FNDC3A: variants seen among roughly 807,000 people sequenced by gnomAD.
FNDC3A encodes fibronectin type-III domain-containing protein 3A.
In FNDC3A, 32 loss-of-function variants were observed where a neutral mutation model predicts 148.9. That is an observed-to-expected ratio of 0.21 (90% confidence interval 0.16 to 0.29). FNDC3A has a LOEUF of 0.29. FNDC3A is among the 10% of genes least tolerant of loss of function. The pLI is 1.00. For missense variants in FNDC3A, 1,191 were observed against 1,452.8 expected, an observed-to-expected ratio of 0.82 and a Z score of 2.93; for synonymous variants, 472 against 473.6, an observed-to-expected ratio of 1.00 and a Z score of 0.04.
intron 2 of FNDC3A, among the ~76,000 whole-genome samples, chr13:49,006,783 C>A (rs905798218): frequency 1.3e-5 from 2 of 151,928 alleles, no homozygotes; most frequent in African/African-American, 2.4e-5. Flanking sequence ...TTTCACTATT[C>A]CCACAGTAAT....
intron 1 of FNDC3A, among the ~76,000 whole-genome samples, 189 bp from the exon 2 acceptor site, chr13:49,005,963 T>A (rs187684412): frequency 6.4e-4 from 97 of 152,092 alleles, no homozygotes; most frequent in African/African-American, 2.0e-3. Context: ...ACAAAGTAAT[T>A]TGAATTGTAA....
chr13:49,082,269 C>A (rs1878527166), intron 3 of FNDC3A, among the ~76,000 whole-genome samples: 1 of 151,868 alleles, frequency 6.6e-6, no homozygotes, highest in Non-Finnish European at 1.5e-5. Context: ...ACCTGTAATC[C>A]CAGCTATTCG....
At chr13:49,045,049 TTTCCCTTTCCCTTTTCC>T in intron 2 of FNDC3A, 1 of 52,538 alleles carries the variant, frequency 1.9e-5, no homozygotes, top group Non-Finnish European at 5.4e-5. Flanking sequence ...TCCCTTTTCC[TTTCCCTTTCCCTTTTCC>T]TTTCCCTTTC....
intron 8 of FNDC3A, among the ~76,000 whole-genome samples, chr13:49,154,026 T>A (rs1191303595): frequency 1.8e-4 from 20 of 114,094 alleles, no homozygotes; most frequent in African/African-American, 6.6e-4. Flanking sequence ...CCATATGAAC[T>A]TTAAAGTAGT....
At chr13:49,178,509 T>TA in intron 13 of FNDC3A, 59 bp from the exon 14 acceptor site, 3 of 1,028,920 alleles carry the variant, frequency 2.9e-6, no homozygotes, top group Non-Finnish European at 4.5e-6. Context: ...ACATATTCAT[T>TA]ATTGCCCATA....
intron 8 of FNDC3A, among the ~76,000 whole-genome samples, chr13:49,162,673 T>G (rs932897276): frequency 2.0e-5 from 3 of 152,218 alleles, no homozygotes; most frequent in African/African-American, 7.2e-5. Flanking sequence ...GCTGTGATAC[T>G]TGGAGGAGAA....
chr13:49,197,614 G>A, intron 20 of FNDC3A, 111 bp from the exon 21 acceptor site: 1 of 825,222 alleles, frequency 1.2e-6, no homozygotes, highest in Non-Finnish European at 1.9e-6. Flanking sequence ...AAGTTTTAAA[G>A]AAACTCAAAA....
rs894690567 is a variant in FNDC3A at position 49,164,611 on chromosome 13, C to CT, written c.978-2622dup. On this transcript the variant is annotated intron_variant, in intron 8 of 25. Transcript: ENST00000492622. Reference sequence around the variant, plus strand: ...TTGTTCATTCATTTTTATTCTTCTTCTTTTTTTTTTTCTTGAGACAGAGTT... The same window carrying CT: ...TTGTTCATTCATTTTTATTCTTCTTCTTTTTTTTTTTTCTTGAGACAGAGTT... Among the ~76,000 whole-genome samples the CT allele has an allele frequency of 5.1e-3, 756 of 146,858 alleles. 7 individuals are homozygous for CT. The highest frequency in any genetic ancestry group is 5.5e-3 in the Non-Finnish European group (365 of 66,282).
chr13:49,027,692 TAACTC>T (rs1873819620), intron 2 of FNDC3A, among the ~76,000 whole-genome samples: 1 of 151,326 alleles, frequency 6.6e-6, no homozygotes, highest in Non-Finnish European at 1.5e-5. Flanking sequence ...TAAGAAAAAA[TAACTC>T]AAAAGAATAT....
At chr13:49,185,496 C>T (rs1039823982) in intron 14 of FNDC3A, among the ~76,000 whole-genome samples, 2 of 152,144 alleles carry the variant, frequency 1.3e-5, no homozygotes, top group African/African-American at 4.8e-5. Context: ...TTACACACAC[C>T]GTCATTTCTG....
At chr13:49,001,340 C>T (rs565926344) in intron 1 of FNDC3A, among the ~76,000 whole-genome samples, 16 of 152,094 alleles carry the variant, frequency 1.1e-4, no homozygotes, top group Non-Finnish European at 1.5e-4. Flanking sequence ...GGATGTATGT[C>T]GCCTCAGGAC....
chr13:49,185,584 A>C (rs1227257940), intron 14 of FNDC3A, among the ~76,000 whole-genome samples: 6 of 152,222 alleles, frequency 3.9e-5, no homozygotes, highest in African/African-American at 1.4e-4. Context: ...CACCTTTTGA[A>C]GAAAGGAGAT....
In FNDC3A at chr13:49,190,998, T is replaced by C. The variant is rs751387802; in HGVS notation, c.1945-17T>C. The C allele has an allele frequency of 7.0e-6, 11 of 1,578,816 alleles. No individual in the cohort carries two copies. In the Admixed American group the frequency reaches 7.7e-5, roughly 11 times the overall value. On this transcript the variant is annotated splice_polypyrimidine_tract_variant and intron_variant, in intron 17 of 25. Coordinates refer to ENST00000492622, the MANE Select transcript of FNDC3A (RefSeq NM_001079673.2). ...TTTTGGGGCATTTTTGTTTTCTTTT[T>C]GCTTTTGTTTTGGCAGGTCTCTGAA...
At chr13:49,110,294 G>C (rs1880474393) in intron 3 of FNDC3A, 1 of 1,514,662 alleles carries the variant, frequency 6.6e-7, no homozygotes, top group Non-Finnish European at 8.9e-7. Context: ...TCCTCTTACA[G>C]CCTTGCAAAA....
At chr13:49,077,865 A>G (rs1422333177) in intron 3 of FNDC3A, among the ~76,000 whole-genome samples, 1 of 152,244 alleles carries the variant, frequency 6.6e-6, no homozygotes, top group Non-Finnish European at 1.5e-5. Context: ...ACAAATAGGA[A>G]GAGTTCACAT....
intron 2 of FNDC3A, among the ~76,000 whole-genome samples, chr13:49,024,142 TAC>T: frequency 6.6e-6 from 1 of 152,016 alleles, no homozygotes; most frequent in Admixed American, 6.5e-5. Flanking sequence ...ATCGATAAAT[TAC>T]TGGACACATT....
intron 2 of FNDC3A, among the ~76,000 whole-genome samples, chr13:49,064,682 A>G (rs1378630304): frequency 6.6e-6 from 1 of 152,094 alleles, no homozygotes; most frequent in African/African-American, 2.4e-5. Flanking sequence ...GTTGCATGTA[A>G]TGATAATGAT....
chr13:49,166,023 T>A (rs889083628), intron 8 of FNDC3A, among the ~76,000 whole-genome samples: 1 of 152,088 alleles, frequency 6.6e-6, no homozygotes, highest in Non-Finnish European at 1.5e-5. Flanking sequence ...AGCCAAGACC[T>A]GTCCTCAGGC....
intron 7 of FNDC3A, among the ~76,000 whole-genome samples, chr13:49,140,907 C>T (rs2025315): frequency 1 from 151,682 of 152,346 alleles, 75,516 homozygotes; most frequent in Middle Eastern, 1. Context: ...ATTGTACTGA[C>T]ATTTGAAGGA....
Sources: gnomAD v4.1 joint callset for allele counts (sites outside exome capture counted in the v4.1 genomes callset) on GRCh38, gnomAD v4.1.1 for gene constraint, MANE v1.5 for transcripts, NCBI Gene and HGNC (gene_info 2026-07-23, HGNC 2026-07-21) for gene names.